METTL24: variants seen among roughly 807,000 people sequenced by gnomAD.
The protein encoded by METTL24 is probable methyltransferase-like protein 24.
METTL24 carries 29 observed loss-of-function variants against 32.7 expected under a neutral mutation model. The observed-to-expected ratio is 0.89, with a 90% CI of 0.66 to 1.21. The LOEUF (loss-of-function observed/expected upper bound fraction) is 1.21, where lower values mean the gene tolerates loss of function less well. Among genes scored for constraint, METTL24 ranks in the 50% most tolerant of loss-of-function variants. The pLI is 0.00. For synonymous variants in METTL24, 163 were observed against 179.5 expected, an observed-to-expected ratio of 0.91 and a Z score of 0.73; for missense variants, 439 against 468.1, an observed-to-expected ratio of 0.94 and a Z score of 0.57.
chr6:110,296,666 A>T (rs1010319016), intron 4 of METTL24, among the ~76,000 whole-genome samples: 28 of 152,192 alleles, frequency 1.8e-4, no homozygotes, highest in Non-Finnish European at 3.7e-4. Context: ...CGGAATAGGG[A>T]AATTACTACA....
chr6:110,256,975 C>T (rs1330271891), intron 4 of METTL24, among the ~76,000 whole-genome samples: 2 of 152,190 alleles, frequency 1.3e-5, no homozygotes, highest in South Asian at 2.1e-4. Context: ...ATACAGGGCA[C>T]CACAACTGCC....
intron 1 of METTL24, among the ~76,000 whole-genome samples, chr6:110,334,698 T>C (rs1181034347): frequency 3.3e-5 from 5 of 152,190 alleles, no homozygotes; most frequent in African/African-American, 9.7e-5. Context: ...GAATATGTCA[T>C]TGGTTGCACG....
At chr6:110,325,887 C>G (rs548852176) in intron 1 of METTL24, among the ~76,000 whole-genome samples, 2 of 152,220 alleles carry the variant, frequency 1.3e-5, no homozygotes, top group Non-Finnish European at 2.9e-5. Context: ...CCCAGGGGCT[C>G]TGGCCCGTTG....
rs1282912978 is a variant in METTL24, at chr6:110,296,507, G to T, written c.786+2415C>A. The stretch of plus-strand genomic sequence containing the variant: ...ACAGGCTTTTGATTTATAGTTTGAG[G>T]TTAAAATTACCAAAGAGTTTTAAAA... On this transcript the variant is annotated intron_variant, in intron 4 of 4. Coordinates refer to ENST00000338882, the MANE Select transcript of METTL24 (RefSeq NM_001123364.3). Among the ~76,000 whole-genome samples the T allele has an allele frequency of 2.6e-5, 4 of 152,270 alleles. No individual in the cohort carries two copies. In the South Asian group the frequency reaches 8.3e-4, roughly 32 times the overall value.
chr6:110,319,270 ATGTG>A (rs58600122), intron 2 of METTL24, among the ~76,000 whole-genome samples: 2,845 of 148,518 alleles, frequency 0.019, 64 homozygotes, highest in East Asian at 0.12. Context: ...CTGTGTGTGT[ATGTG>A]TGTGTGTGTG....
At chr6:110,263,158 T>A (rs1236555222) in intron 4 of METTL24, among the ~76,000 whole-genome samples, 1 of 152,126 alleles carries the variant, frequency 6.6e-6, no homozygotes, top group Non-Finnish European at 1.5e-5. Context: ...GGTATTCAAT[T>A]AGGAAAAGGG....
chr6:110,303,568 G>C (rs937300973), intron 3 of METTL24, among the ~76,000 whole-genome samples: 8 of 152,320 alleles, frequency 5.3e-5, no homozygotes, highest in African/African-American at 1.9e-4. Context: ...ACTGGGCAGA[G>C]CCCACCACGG....
At chr6:110,315,273 T>A (rs562817935) in intron 3 of METTL24, 69 bp downstream of exon 3, 8 of 1,563,968 alleles carry the variant, frequency 5.1e-6, no homozygotes, top group Non-Finnish European at 7.0e-6. Flanking sequence ...TAACTTTGTA[T>A]TGCTGAAAAG....
At chr6:110,292,162 T>C (rs1771332751) in intron 4 of METTL24, among the ~76,000 whole-genome samples, 1 of 152,242 alleles carries the variant, frequency 6.6e-6, no homozygotes, top group African/African-American at 2.4e-5. Context: ...CAGATTGTTT[T>C]CTACCCTTTG....
intron 4 of METTL24, among the ~76,000 whole-genome samples, chr6:110,294,009 A>T (rs1188251194): frequency 1.3e-5 from 2 of 152,062 alleles, no homozygotes; most frequent in Non-Finnish European, 2.9e-5. Flanking sequence ...GATACACTAA[A>T]ATAAGAAGCA....
chr6:110,286,150 G>C (rs1406590889), intron 4 of METTL24, among the ~76,000 whole-genome samples: 1 of 152,154 alleles, frequency 6.6e-6, no homozygotes, highest in South Asian at 2.1e-4. Context: ...GGAACTCATC[G>C]ACTGGGTGGG....
intron 4 of METTL24, among the ~76,000 whole-genome samples, chr6:110,265,128 G>GGAAAGAAA (rs56782773): frequency 3.4e-5 from 4 of 117,840 alleles, no homozygotes; most frequent in East Asian, 2.7e-4. Context: ...TAATAAAAAA[G>GGAAAGAAA]GAAAGAAAGA....
intron 1 of METTL24, among the ~76,000 whole-genome samples, chr6:110,345,443 T>G (rs1222502241): frequency 2.0e-5 from 3 of 152,222 alleles, no homozygotes; most frequent in Non-Finnish European, 4.4e-5. Context: ...CCCAGAGGAA[T>G]ATAAATCATT....
At chr6:110,318,383 C>T (rs1248681063) in intron 2 of METTL24, among the ~76,000 whole-genome samples, 1 of 152,104 alleles carries the variant, frequency 6.6e-6, no homozygotes, top group Non-Finnish European at 1.5e-5. Context: ...CGTGGTGGCT[C>T]ACGCCTGTAA....
At chr6:110,339,796 G>A (rs993320531) in intron 1 of METTL24, among the ~76,000 whole-genome samples, 2 of 152,074 alleles carry the variant, frequency 1.3e-5, no homozygotes, top group African/African-American at 4.8e-5. Context: ...TGGATATGGG[G>A]CTTCTACTCA....
intron 1 of METTL24, among the ~76,000 whole-genome samples, chr6:110,323,221 C>T (rs985806770): frequency 6.6e-6 from 1 of 152,198 alleles, no homozygotes; most frequent in Non-Finnish European, 1.5e-5. Flanking sequence ...TGTGCTCCTC[C>T]GGGAAAAGAA....
chr6:110,325,408 C>T (rs2114756897), intron 1 of METTL24, among the ~76,000 whole-genome samples: 1 of 152,330 alleles, frequency 6.6e-6, no homozygotes, highest in South Asian at 2.1e-4. Flanking sequence ...TGGCTGTCTT[C>T]CAATAAAGCT....
At chr6:110,248,864 A>T (rs1001601819) in intron 4 of METTL24, among the ~76,000 whole-genome samples, 5 of 152,044 alleles carry the variant, frequency 3.3e-5, no homozygotes, top group Non-Finnish European at 7.4e-5. Context: ...AATCTTGGCA[A>T]ATTTTAAACA....
At chr6:110,315,644 G>C (rs1172579199) in intron 2 of METTL24, among the ~76,000 whole-genome samples, 163 bp from the exon 3 acceptor site, 1 of 152,174 alleles carries the variant, frequency 6.6e-6, no homozygotes, top group African/African-American at 2.4e-5. Flanking sequence ...CTGCTATAAA[G>C]TGTTTGGAGA....
Sources: gnomAD v4.1 joint callset for allele counts (sites outside exome capture counted in the v4.1 genomes callset) on GRCh38, gnomAD v4.1.1 for gene constraint, MANE v1.5 for transcripts, NCBI Gene and HGNC (gene_info 2026-07-23, HGNC 2026-07-21) for gene names.